Variants in KIF20B observed in about 807,000 individuals in gnomAD.
The protein encoded by KIF20B is kinesin-like protein KIF20B.
In KIF20B, 188 loss-of-function variants were observed where a neutral mutation model predicts 232.5. The ratio of observed to expected loss-of-function variants is 0.81; its 90% confidence interval spans 0.72 to 0.91. The LOEUF (loss-of-function observed/expected upper bound fraction) is 0.91, where lower values mean the gene tolerates loss of function less well. Ranked by LOEUF, KIF20B falls within the 40% of genes least tolerant of loss-of-function variation. KIF20B has a pLI of 0.00. For missense variants in KIF20B, 2,154 were observed against 2,055.9 expected (o/e 1.05, Z -0.92); for synonymous variants, 712 against 683.0 (o/e 1.04, Z -0.66).
intron 19 of KIF20B, among the ~76,000 whole-genome samples, chr10:89,733,483 A>C (rs1187305485): frequency 1.3e-5 from 2 of 152,172 alleles, no homozygotes; most frequent in Admixed American, 6.5e-5. Context: ...TTCAAGCTGT[A>C]TTTGTGATAC....
intron 18 of KIF20B, 79 bp from the exon 19 acceptor site, chr10:89,732,824 C>A: frequency 8.0e-7 from 1 of 1,250,394 alleles, no homozygotes. Context: ...TATGGTACAC[C>A]ATTGAAAGTA....
rs772904296 is a variant in KIF20B at position 89,754,679 on chromosome 10, T to C, written c.4503+6T>C. On this transcript the variant is annotated splice_donor_region_variant and intron_variant, in intron 26 of 32. Transcript: ENST00000371728. ...TTAAGCAACAGAATGAAATGGTTAG[T>C]AACAATTGTATCTTTGATGTATTTC... is the stretch of plus-strand genomic sequence containing the variant. The C allele has an allele frequency of 2.0e-6, 3 of 1,527,052 alleles. No individual in the cohort carries two copies. The highest frequency in any genetic ancestry group is 4.1e-5 in the Admixed American group (2 of 48,482). The allele number at this position is 1,527,052 out of a possible 1,614,324, so 94.6% of individuals were successfully genotyped here.
At chr10:89,749,688 C>T (rs1419301558) in intron 23 of KIF20B, among the ~76,000 whole-genome samples, 1 of 152,122 alleles carries the variant, frequency 6.6e-6, no homozygotes, top group African/African-American at 2.4e-5. Context: ...GTGTTTGACT[C>T]TTCTTAGAAT....
Position 89,709,345 on chromosome 10 carries a change from G to C in KIF20B, c.235G>C (p.Gly79Arg). 6.2e-7 allele frequency: 1 copy of C among 1,610,622 alleles called. No individual in the cohort carries two copies. Among genetic ancestry groups the C allele is most frequent in the Non-Finnish European group, 8.5e-7 (1 of 1,177,690 alleles). Residue 79 changes from glycine to arginine, a missense_variant and splice_region_variant, in exon 4 of 33, where the codon GGC becomes CGC. Coordinates refer to ENST00000371728, the MANE Select transcript of KIF20B (RefSeq NM_001284259.2). ...TQSEKELESE[G>R]CVHILDSQTV... ...TATTTATTGGGGGTATGTTTTCTAG[G>C]GCTGTGTGCATATTCTGGATTCACA...
At chr10:89,727,249 CT>C (rs1258930798) in intron 16 of KIF20B, among the ~76,000 whole-genome samples, 1 of 129,250 alleles carries the variant, frequency 7.7e-6, no homozygotes, top group Non-Finnish European at 1.6e-5. Flanking sequence ...CTTTTTCTGT[CT>C]TCCCCCCCCC....
chr10:89,734,422 A>T (rs182867215), intron 19 of KIF20B, among the ~76,000 whole-genome samples: 36 of 152,174 alleles, frequency 2.4e-4, no homozygotes, highest in Non-Finnish European at 2.6e-4. Context: ...AAAAAATGAA[A>T]GTGGTGGTGG....
chr10:89,754,443 A>C, intron 25 of KIF20B, 75 bp from the exon 26 acceptor site: 1 of 929,506 alleles, frequency 1.1e-6, no homozygotes, highest in Admixed American at 3.2e-5. Context: ...AATGGATTGT[A>C]TGAAAATGTT....
intron 23 of KIF20B, among the ~76,000 whole-genome samples, chr10:89,748,119 C>T (rs972589742): frequency 1.3e-5 from 2 of 152,214 alleles, no homozygotes; most frequent in African/African-American, 4.8e-5. Flanking sequence ...AAGTGATTCT[C>T]CTGCCTCAGC....
intron 28 of KIF20B, among the ~76,000 whole-genome samples, chr10:89,761,545 C>T (rs1400122676): frequency 1.3e-5 from 2 of 151,924 alleles, no homozygotes; most frequent in Middle Eastern, 3.2e-3. Context: ...CTCCCAGGCT[C>T]AAGCAGTCCT....
At chr10:89,759,510 A>G (rs1842195925) in intron 27 of KIF20B, among the ~76,000 whole-genome samples, 2 of 152,066 alleles carry the variant, frequency 1.3e-5, no homozygotes, top group African/African-American at 2.4e-5. Context: ...AAAAATATGT[A>G]TGTGTGTGTC....
chr10:89,765,551 G>C (rs1842340759), intron 29 of KIF20B, among the ~76,000 whole-genome samples: 3 of 151,952 alleles, frequency 2.0e-5, no homozygotes, highest in Admixed American at 2.0e-4. Flanking sequence ...AGTTCATATG[G>C]AACCAAAAAA....
At chr10:89,707,843 C>T (rs1589849796) in intron 2 of KIF20B, among the ~76,000 whole-genome samples, 2 of 152,284 alleles carry the variant, frequency 1.3e-5, no homozygotes, top group East Asian at 3.9e-4. Context: ...GCATTCATTA[C>T]ACTTTGCTGA....
chr10:89,774,077 T>C lies in KIF20B; in HGVS notation c.*29T>C, dbSNP rs762655618. ...ACTTATGGAAATGTTTAATATAAATTTTATAGTCATAGTCATTGGAACTTG... is the reference window on the plus strand; with the variant it reads ...ACTTATGGAAATGTTTAATATAAATCTTATAGTCATAGTCATTGGAACTTG... On this transcript the variant is annotated 3_prime_UTR_variant, in exon 33 of 33. Coordinates refer to ENST00000371728, the MANE Select transcript of KIF20B (RefSeq NM_001284259.2). 1 of 1,408,752 alleles carries C rather than the reference T, an allele frequency of 7.1e-7. No individual in the cohort carries two copies. The highest frequency in any genetic ancestry group is 9.8e-7 in the Non-Finnish European group (1 of 1,017,800). 87.3% of individuals were successfully genotyped at this position (1,408,752 alleles called of 1,614,324 possible).
intron 27 of KIF20B, 52 bp downstream of exon 27, chr10:89,758,934 A>G (rs975925008): frequency 1.2e-5 from 13 of 1,120,622 alleles, no homozygotes; most frequent in Non-Finnish European, 1.3e-5. Flanking sequence ...TAATTACTTA[A>G]TTGACTAACT....
At chr10:89,760,699 G>A (rs1382119699) in intron 28 of KIF20B, 63 bp downstream of exon 28, 27 of 966,694 alleles carry the variant, frequency 2.8e-5, no homozygotes, top group Admixed American at 3.8e-5. Flanking sequence ...TAAATAACAC[G>A]TACAAGTAAG....
chr10:89,746,286 C>G (rs562443173), intron 23 of KIF20B, among the ~76,000 whole-genome samples: 5 of 152,308 alleles, frequency 3.3e-5, no homozygotes, highest in African/African-American at 1.2e-4. Context: ...GGGATTCTTG[C>G]TCTAGTGTAC....
At chr10:89,746,705 T>G (rs1841918664) in intron 23 of KIF20B, among the ~76,000 whole-genome samples, 1 of 152,220 alleles carries the variant, frequency 6.6e-6, no homozygotes. Flanking sequence ...GACCCTGCCT[T>G]TCTGTACCCA....
intron 22 of KIF20B, among the ~76,000 whole-genome samples, chr10:89,744,528 G>A (rs1348881969): frequency 6.6e-6 from 1 of 152,094 alleles, no homozygotes; most frequent in African/African-American, 2.4e-5. Context: ...ATTAAGGGAA[G>A]CTAAATTCTT....
intron 23 of KIF20B, among the ~76,000 whole-genome samples, chr10:89,749,312 C>CTA (rs1841979659): frequency 6.6e-6 from 1 of 152,168 alleles, no homozygotes; most frequent in Non-Finnish European, 1.5e-5. Context: ...TCCTAAATTT[C>CTA]TATTTATTCA....
Sources: gnomAD v4.1 joint callset for allele counts (sites outside exome capture counted in the v4.1 genomes callset) on GRCh38, gnomAD v4.1.1 for gene constraint, MANE v1.5 for transcripts, NCBI Gene and HGNC (gene_info 2026-07-23, HGNC 2026-07-21) for gene names.